C4orf51: variants seen among roughly 807,000 people sequenced by gnomAD.
C4orf51 encodes the protein uncharacterized protein C4orf51.
In C4orf51, 25 loss-of-function variants were observed where a neutral mutation model predicts 25.2. That is an observed-to-expected ratio of 0.99 (90% CI 0.72 to 1.39). The LOEUF is 1.39. C4orf51 is among the 40% of genes most tolerant of loss of function. C4orf51 has a pLI of 0.00. For synonymous variants in C4orf51, 100 were observed against 84.5 expected, an observed-to-expected ratio of 1.18 and a Z score of -1.01; for missense variants, 252 against 239.6, an observed-to-expected ratio of 1.05 and a Z score of -0.34.
chr4:145,747,892 A>G (rs987438150), intron 1 of C4orf51, among the ~76,000 whole-genome samples: 2 of 151,712 alleles, frequency 1.3e-5, no homozygotes, highest in Non-Finnish European at 2.9e-5. Flanking sequence ...GACCTCTTAG[A>G]ATGAATTTAG....
intron 2 of C4orf51, among the ~76,000 whole-genome samples, chr4:145,700,092 C>T (rs1431517002): frequency 6.6e-6 from 1 of 151,772 alleles, no homozygotes; most frequent in Non-Finnish European, 1.5e-5. Flanking sequence ...TCTCTATGCC[C>T]CAATCCCTTA....
chr4:145,723,627 T>C (rs1261933942), intron 2 of C4orf51, among the ~76,000 whole-genome samples: 1 of 152,230 alleles, frequency 6.6e-6, no homozygotes, highest in Non-Finnish European at 1.5e-5. Context: ...CCATCAGGGT[T>C]GGCACAACAT....
In C4orf51 at chr4:145,738,459, C is replaced by CATATAT. The variant is rs58754234; in HGVS notation, n.167+5854_167+5859dup. Reference sequence around the variant, plus strand: ...AGCGAGACTCTATCTCGAAAAAAAACATATATATATATATATATAGACACA... The same window carrying CATATAT: ...AGCGAGACTCTATCTCGAAAAAAAACATATATATATATATATATATATATAGACACA... On this transcript the variant is annotated intron_variant and non_coding_transcript_variant, in intron 1 of 1. Transcript: ENST00000508981. Among the ~76,000 whole-genome samples, 493 of 146,706 alleles carry CATATAT rather than the reference C, an allele frequency of 3.4e-3. 2 individuals carry two copies. Among genetic ancestry groups the CATATAT allele is most frequent in the East Asian group, 5.1e-3 (25 of 4,924 alleles).
intron 1 of C4orf51, among the ~76,000 whole-genome samples, chr4:145,693,397 T>C (rs1729745823): frequency 2.6e-5 from 4 of 151,936 alleles, no homozygotes; most frequent in Admixed American, 1.3e-4. Context: ...TTTTTCTTAG[T>C]GTAGAACAAA....
At chr4:145,710,610 T>A (rs1260432333) in intron 2 of C4orf51, among the ~76,000 whole-genome samples, 1 of 152,184 alleles carries the variant, frequency 6.6e-6, no homozygotes, top group East Asian at 1.9e-4. Flanking sequence ...ATGTGCACAC[T>A]TGAGCCCACT....
At chr4:145,706,619 T>A (rs112706902) in intron 2 of C4orf51, among the ~76,000 whole-genome samples, 3,940 of 152,188 alleles carry the variant, frequency 0.026, 177 homozygotes, top group African/African-American at 0.089. Context: ...GTTTCTCCAA[T>A]TGTGTCCTGT....
intron 1 of C4orf51, among the ~76,000 whole-genome samples, chr4:145,768,745 C>A (rs532939235): frequency 2.0e-4 from 29 of 146,490 alleles, no homozygotes; most frequent in African/African-American, 7.1e-4. Context: ...GTAATCCCAG[C>A]TACTTGGGAG....
chr4:145,729,993 C>G, intron 5 of C4orf51, 28 bp downstream of exon 5: 1 of 1,598,020 alleles, frequency 6.3e-7, no homozygotes, highest in South Asian at 1.1e-5. Flanking sequence ...TGCCATGCAA[C>G]AGTGGATCTG....
At chr4:145,727,059 T>C (rs1269382512) in intron 3 of C4orf51, 90 bp downstream of exon 3, 17 of 1,011,118 alleles carry the variant, frequency 1.7e-5, no homozygotes, top group Non-Finnish European at 2.5e-5. Flanking sequence ...ACAAAAGGGG[T>C]TAAATTTTTA....
chr4:145,754,819 C>A (rs1462580034), downstream of C4orf51, among the ~76,000 whole-genome samples: 2 of 152,020 alleles, frequency 1.3e-5, no homozygotes, highest in Non-Finnish European at 2.9e-5. Context: ...ATCTGTAATC[C>A]CAGCTACTCG....
intron 5 of C4orf51, among the ~76,000 whole-genome samples, chr4:145,731,212 A>T (rs1006279204): frequency 1.3e-5 from 2 of 152,118 alleles, no homozygotes; most frequent in African/African-American, 4.8e-5. Flanking sequence ...TAAATAAATA[A>T]ATCCCTCTTG....
chr4:145,714,613 A>C (rs530097196), intron 2 of C4orf51, among the ~76,000 whole-genome samples: 13 of 152,318 alleles, frequency 8.5e-5, no homozygotes, highest in African/African-American at 2.9e-4. Flanking sequence ...CTTTTTCATA[A>C]CAATTATTTT....
At chr4:145,714,848 C>G (rs185531633) in intron 2 of C4orf51, among the ~76,000 whole-genome samples, 1 of 152,306 alleles carries the variant, frequency 6.6e-6, no homozygotes, top group East Asian at 1.9e-4. Flanking sequence ...TGATGGCTCT[C>G]TCAGGCCTTT....
chr4:145,730,712 A>AC (rs397770846), intron 5 of C4orf51, among the ~76,000 whole-genome samples: 8 of 150,680 alleles, frequency 5.3e-5, no homozygotes, highest in Non-Finnish European at 3.0e-5. Context: ...TAAAAAAAAA[A>AC]CCCTGACCAT....
chr4:145,753,968 T>A (rs1733813336), intron 1 of C4orf51, among the ~76,000 whole-genome samples: 2 of 152,236 alleles, frequency 1.3e-5, no homozygotes, highest in East Asian at 3.8e-4. Flanking sequence ...ACTCCTCCAT[T>A]TCTTAGCATC....
chr4:145,738,686 C>T (rs1213978213), intron 1 of C4orf51, among the ~76,000 whole-genome samples: 3 of 151,990 alleles, frequency 2.0e-5, no homozygotes, highest in Non-Finnish European at 2.9e-5. Flanking sequence ...GTCACTCAGG[C>T]TGGAGTGCAG....
chr4:145,779,246 T>C, the C4orf51 span: 1 of 1,249,060 alleles, frequency 8.0e-7, no homozygotes, highest in Non-Finnish European at 1.1e-6. Flanking sequence ...CCAGAGAAAA[T>C]GGCTTGAAAA....
chr4:145,775,937 A>G (rs1737011073), downstream of C4orf51: 2 of 1,614,126 alleles, frequency 1.2e-6, no homozygotes, highest in South Asian at 1.1e-5. Context: ...TAGGGGCACA[A>G]GTGGCATTTG....
At chr4:145,717,213 G>A (rs28587901) in intron 2 of C4orf51, among the ~76,000 whole-genome samples, 13,374 of 152,198 alleles carry the variant, frequency 0.088, 654 homozygotes, top group Middle Eastern at 0.15. Context: ...CATGAGTAGC[G>A]AAAGCAATAA....
Sources: gnomAD v4.1 joint callset for allele counts (sites outside exome capture counted in the v4.1 genomes callset) on GRCh38, gnomAD v4.1.1 for gene constraint, MANE v1.5 for transcripts, NCBI Gene and HGNC (gene_info 2026-07-23, HGNC 2026-07-21) for gene names.